ZNF766: variants seen among roughly 807,000 people sequenced by gnomAD.
The protein encoded by ZNF766 is zinc finger protein 766.
ZNF766 carries 13 observed loss-of-function variants against 13.2 expected under a neutral mutation model. That is an observed-to-expected ratio of 0.98 (90% CI 0.64 to 1.56). ZNF766 has a LOEUF of 1.56. Among genes scored for constraint, ZNF766 ranks in the 40% most tolerant of loss-of-function variants. ZNF766 has a pLI of 0.00. For missense variants in ZNF766, 521 were observed against 552.2 expected, an observed-to-expected ratio of 0.94 and a Z score of 0.57; for synonymous variants, 178 against 187.6, an observed-to-expected ratio of 0.95 and a Z score of 0.42.
At chr19:52,282,494 G>A (rs183960482) in intron 2 of ZNF766, 34 of 276,730 alleles carry the variant, frequency 1.2e-4, no homozygotes, top group African/African-American at 6.6e-4. Flanking sequence ...AAATTAGCCA[G>A]GTGTCACGGT....
At chr19:52,271,980 C>CAAAAAAAAAA (rs371229113) in intron 1 of ZNF766, among the ~76,000 whole-genome samples, 1 of 89,196 alleles carries the variant, frequency 1.1e-5, no homozygotes, top group Non-Finnish European at 2.1e-5. Context: ...GAGACTGTCT[C>CAAAAAAAAAA]AAAAAAAAAA....
At chr19:52,279,775 A>T (rs1981391964) in intron 1 of ZNF766, among the ~76,000 whole-genome samples, 4 of 128,278 alleles carry the variant, frequency 3.1e-5, no homozygotes, top group Admixed American at 7.8e-5. Context: ...TTTTTTTTTC[A>T]TGATTTACCT....
Position 52,292,006 on chromosome 19 carries a change from AGAGTT to A in ZNF766, c.*809_*813del. On this transcript the variant is annotated 3_prime_UTR_variant, in exon 4 of 4. Coordinates refer to ENST00000439461, the MANE Select transcript of ZNF766 (RefSeq NM_001010851.3). ...AGGATTGCTCAAGCCCAGGAGTTTG[AGAGTT>A]TGAGCAGTGAGCTCTGATCTTGCCA... is the stretch of plus-strand genomic sequence containing the variant. 3.4e-6 allele frequency: 2 copies of A among 596,862 alleles called. No homozygotes were observed. Among genetic ancestry groups the A allele is most frequent in the Admixed American group, 5.7e-5 (2 of 35,030 alleles). 37.0% of individuals were successfully genotyped at this position (596,862 alleles called of 1,614,324 possible). A position where few individuals can be genotyped will look rare whatever the true frequency, so the allele number is the denominator to read the frequency against.
In ZNF766 at chr19:52,291,168, A is replaced by G; in HGVS notation, c.1377A>G (p.Arg459=). The change falls in exon 4 of 4, where the codon AGA becomes AGG. Residue 459 remains arginine, a synonymous_variant. Transcript: ENST00000439461. ...RHSSWFVQHQ[R]SVHERVLTN is the part of the protein sequence containing the mutation. ...GTTCATGGTTTGTACAGCATCAGAG[A>G]AGTGTTCATGAGAGAGTCCTTACAA... 6.3e-7 allele frequency: 1 copy of G among 1,595,664 alleles called. No homozygotes were observed. Among genetic ancestry groups the G allele is most frequent in the Non-Finnish European group, 8.5e-7 (1 of 1,170,586 alleles).
Position 52,291,798 on chromosome 19 carries a change from G to C in ZNF766, c.*600G>C, listed in dbSNP as rs977524028. ...AAAATTATTTGGGTTTGAAAGGCCAGGGGCAGTGGTTCATGCCTATAATCT... is the reference window on the plus strand; with the variant it reads ...AAAATTATTTGGGTTTGAAAGGCCACGGGCAGTGGTTCATGCCTATAATCT... On this transcript the variant is annotated 3_prime_UTR_variant, in exon 4 of 4. Transcript: ENST00000439461. 2.4e-5 allele frequency: 5 copies of C among 212,360 alleles called. No homozygotes were observed. Among genetic ancestry groups the C allele is most frequent in the African/African-American group, 1.1e-4 (5 of 43,546 alleles). The allele number at this position is 212,360 out of a possible 1,614,324, so 13.2% of individuals were successfully genotyped here.
At position 52,290,659 on chromosome 19, in the gene ZNF766, C is replaced by T; in HGVS notation, c.868C>T (p.Gln290Ter). The T allele has an allele frequency of 1.9e-6, 3 of 1,613,560 alleles. No homozygotes were observed. Among genetic ancestry groups the T allele is most frequent in the Non-Finnish European group, 2.5e-6 (3 of 1,179,726 alleles). ...TCGAATTACATACCTTGTACGACAT[C>T]AGAAAATTCATACTAGAGAGAAACC... ...FSRITYLVRH[Q>*]KIHTREKPHK... Residue 290 changes from glutamine (Q) to a stop codon, truncating the protein, a stop_gained, in exon 4 of 4, where the codon CAG (glutamine) becomes TAG (stop). Transcript: ENST00000439461. LOFTEE classifies it low-confidence loss of function (END_TRUNC).
intron 1 of ZNF766, among the ~76,000 whole-genome samples, chr19:52,270,412 G>A (rs982270623): frequency 5.3e-5 from 8 of 152,272 alleles, no homozygotes; most frequent in Non-Finnish European, 1.0e-4. Context: ...AAAGCAACTC[G>A]AGAAATGTAG....
At chr19:52,269,689 A>ACCGCC in intron 1 of ZNF766, 58 bp downstream of exon 1, 1 of 1,606,052 alleles carries the variant, frequency 6.2e-7, no homozygotes, top group Non-Finnish European at 8.5e-7. Context: ...ACGCTTCTGT[A>ACCGCC]CCCGGGATGT....
chr19:52,288,106 C>G (rs891200276), intron 3 of ZNF766: 2 of 348,472 alleles, frequency 5.7e-6, no homozygotes, highest in African/African-American at 4.7e-5. Flanking sequence ...CTGCAACTTC[C>G]GCCTCCCAGG....
At chr19:52,288,529 C>T (rs1981946350) in intron 3 of ZNF766, among the ~76,000 whole-genome samples, 1 of 151,952 alleles carries the variant, frequency 6.6e-6, no homozygotes, top group Non-Finnish European at 1.5e-5. Context: ...CACTGTGCCT[C>T]ACTAATTAAA....
intron 3 of ZNF766, among the ~76,000 whole-genome samples, chr19:52,285,512 C>T (rs7257094): frequency 0.5 from 75,987 of 152,076 alleles, 19,306 homozygotes; most frequent in Non-Finnish European, 0.54. Flanking sequence ...TCAGGTTTAC[C>T]GGTTTATTAT....
At chr19:52,279,275 A>G (rs1406508779) in intron 1 of ZNF766, among the ~76,000 whole-genome samples, 2 of 152,188 alleles carry the variant, frequency 1.3e-5, no homozygotes, top group East Asian at 3.8e-4. Context: ...TGGTTACTGT[A>G]GCCTTGTGGT....
At chr19:52,285,976 G>A (rs146636532) in intron 3 of ZNF766, among the ~76,000 whole-genome samples, 35 of 152,172 alleles carry the variant, frequency 2.3e-4, no homozygotes, top group African/African-American at 8.4e-4. Context: ...GAGGAGCCTG[G>A]AACGTGTCCT....
intron 3 of ZNF766, among the ~76,000 whole-genome samples, chr19:52,287,536 C>T (rs1282761364): frequency 2.0e-5 from 3 of 152,220 alleles, no homozygotes; most frequent in Admixed American, 1.3e-4. Context: ...CTCAACCTTA[C>T]GGCAGATTTT....
chr19:52,287,425 GC>G (rs1249038291), intron 3 of ZNF766, among the ~76,000 whole-genome samples: 13 of 152,244 alleles, frequency 8.5e-5, no homozygotes, highest in African/African-American at 3.1e-4. Context: ...ACAGGCGTGA[GC>G]CACTACGCCC....
At chr19:52,271,973 A>ACT (rs139411546) in intron 1 of ZNF766, among the ~76,000 whole-genome samples, 38,068 of 115,466 alleles carry the variant, frequency 0.33, 6,705 homozygotes, top group African/African-American at 0.47. Flanking sequence ...CAAGAGTGAG[A>ACT]CTGTCTCAAA....
intron 1 of ZNF766, among the ~76,000 whole-genome samples, chr19:52,273,484 C>A (rs926169384): frequency 2.0e-5 from 3 of 152,170 alleles, no homozygotes; most frequent in African/African-American, 7.2e-5. Context: ...CCCCCTCGTT[C>A]CCTCTGCCGC....
intron 1 of ZNF766, among the ~76,000 whole-genome samples, chr19:52,272,090 C>T (rs934008505): frequency 1.3e-5 from 2 of 151,662 alleles, no homozygotes; most frequent in African/African-American, 4.8e-5. Flanking sequence ...GTAGTGAGTA[C>T]CCCTCTTCAA....
In ZNF766 at chr19:52,283,428, G is replaced by A; in HGVS notation, c.274+15G>A. 5 of 1,554,848 alleles carry A rather than the reference G, an allele frequency of 3.2e-6. No homozygotes were observed. The highest frequency in any genetic ancestry group is 3.5e-6 in the Non-Finnish European group (4 of 1,152,282). On this transcript the variant is annotated intron_variant, in intron 3 of 3. Transcript: ENST00000439461. Reference sequence around the variant, plus strand: ...TATCAACACAGGTAAGAGCTCAGATGGACAGAGTGAAAGCCACACTTTTTT... The same window carrying A: ...TATCAACACAGGTAAGAGCTCAGATAGACAGAGTGAAAGCCACACTTTTTT...
Sources: gnomAD v4.1 joint callset for allele counts (sites outside exome capture counted in the v4.1 genomes callset) on GRCh38, gnomAD v4.1.1 for gene constraint, MANE v1.5 for transcripts, NCBI Gene and HGNC (gene_info 2026-07-23, HGNC 2026-07-21) for gene names.